The following RFTN2 variants were observed in gnomAD, a reference collection of about 807,000 sequenced individuals.
The protein encoded by RFTN2 is raftlin-2.
Under a neutral mutation model 52.7 loss-of-function variants are expected in RFTN2, and 34 were observed. The observed-to-expected ratio is 0.64, with a 90% CI of 0.49 to 0.86. The LOEUF (loss-of-function observed/expected upper bound fraction) is 0.86, where lower values mean the gene tolerates loss of function less well. RFTN2 is among the 40% of genes least tolerant of loss of function. The probability of loss-of-function intolerance (pLI) is 0.00; values close to 1 mark genes in which losing one functional copy is unlikely to be tolerated. For missense variants in RFTN2, 536 were observed against 600.1 expected, an observed-to-expected ratio of 0.89 and a Z score of 1.12; for synonymous variants, 203 against 217.7, an observed-to-expected ratio of 0.93 and a Z score of 0.59.
intron 5 of RFTN2, among the ~76,000 whole-genome samples, chr2:197,628,683 C>T (rs906105379): frequency 3.3e-5 from 5 of 152,114 alleles, no homozygotes; most frequent in Non-Finnish European, 5.9e-5. Context: ...AGATGATCCA[C>T]ACTAAAAGTA....
chr2:197,626,614 C>CT (rs201711932), intron 5 of RFTN2, among the ~76,000 whole-genome samples: 21,678 of 95,984 alleles, frequency 0.23, 3,834 homozygotes, highest in South Asian at 0.34. Context: ...AAGGAATAAT[C>CT]TTCTTTTTTT....
At chr2:197,650,877 T>C (rs531560409) in intron 1 of RFTN2, among the ~76,000 whole-genome samples, 1 of 152,354 alleles carries the variant, frequency 6.6e-6, no homozygotes, top group Non-Finnish European at 1.5e-5. Context: ...TATTGTTTTC[T>C]ATGATGGCTG....
intron 3 of RFTN2, among the ~76,000 whole-genome samples, chr2:197,639,394 G>C (rs1478721443): frequency 6.6e-6 from 1 of 151,740 alleles, no homozygotes; most frequent in Non-Finnish European, 1.5e-5. Flanking sequence ...ACGTAGATTT[G>C]GTCTTTTCAC....
chr2:197,612,132 A>G (rs188208620), intron 7 of RFTN2, among the ~76,000 whole-genome samples: 205 of 152,114 alleles, frequency 1.3e-3, no homozygotes, highest in Middle Eastern at 3.4e-3. Context: ...GGTTCACTTG[A>G]GGATGAGGTT....
chr2:197,640,761 C>G (rs942270285), intron 3 of RFTN2, among the ~76,000 whole-genome samples: 5 of 152,220 alleles, frequency 3.3e-5, no homozygotes, highest in East Asian at 1.9e-4. Flanking sequence ...GCTCCTCCCC[C>G]AGGAATGCTT....
rs1322869093 is a variant in RFTN2, at chr2:197,631,118, C to T, written c.821G>A (p.Gly274Glu). ...AGCATCAAGTGTACTAATGACTGATCCTTTTCTTGTTACTTTCATTGACAG... is the reference window on the plus strand; with the variant it reads ...AGCATCAAGTGTACTAATGACTGATTCTTTTCTTGTTACTTTCATTGACAG... ...GILSMKVTRK[G>E]SVISTLDADW... is the part of the protein sequence containing the mutation. Residue 274 changes from glycine to glutamate, a missense_variant, in exon 5 of 9, where the codon GGA becomes GAA. Coordinates refer to ENST00000295049, the MANE Select transcript of RFTN2 (RefSeq NM_144629.3). 6.2e-7 allele frequency: 1 copy of T among 1,613,010 alleles called. No homozygotes were observed. Among genetic ancestry groups the T allele is most frequent in the Non-Finnish European group, 8.5e-7 (1 of 1,179,254 alleles).
chr2:197,629,278 A>T (rs1057411329), intron 5 of RFTN2, among the ~76,000 whole-genome samples: 4 of 152,222 alleles, frequency 2.6e-5, no homozygotes, highest in African/African-American at 9.6e-5. Flanking sequence ...AAAAAGGATG[A>T]TTTCATGTCC....
In RFTN2 at chr2:197,572,160, G is replaced by A; in HGVS notation, c.1354C>T (p.Leu452Phe). Reference protein sequence around the residue: ...ESRHLPEECRLSPSRECWTKE... With the variant: ...ESRHLPEECRFSPSRECWTKE... ...GTCCAGCATTCCCGGGAGGGAGAAA[G>A]GCGGCACTCCTCAGGCAGGTGTCTG... The change falls in exon 9 of 9, where the codon CTT becomes TTT. Residue 452 changes from leucine (L) to phenylalanine (F), a missense_variant. By Grantham distance (22) the Leu-to-Phe change is conservative. Coordinates refer to ENST00000295049, the MANE Select transcript of RFTN2 (RefSeq NM_144629.3). The A allele has an allele frequency of 6.2e-7, 1 of 1,614,248 alleles. No individual in the cohort carries two copies. The highest frequency in any genetic ancestry group is 8.5e-7 in the Non-Finnish European group (1 of 1,180,048).
intron 2 of RFTN2, 34 bp from the exon 3 acceptor site, chr2:197,644,306 C>A: frequency 8.6e-7 from 1 of 1,166,486 alleles, no homozygotes; most frequent in Middle Eastern, 1.9e-4. Flanking sequence ...TGGTTGGAGG[C>A]CAATTGCTGC....
intron 1 of RFTN2, among the ~76,000 whole-genome samples, chr2:197,662,254 T>C (rs1401680228): frequency 6.6e-6 from 1 of 152,186 alleles, no homozygotes; most frequent in Non-Finnish European, 1.5e-5. Flanking sequence ...AGTAGTTTTA[T>C]AGTTTTGGGT....
At chr2:197,589,723 G>A (rs2087668101) in intron 8 of RFTN2, among the ~76,000 whole-genome samples, 2 of 151,932 alleles carry the variant, frequency 1.3e-5, no homozygotes, top group Admixed American at 1.3e-4. Flanking sequence ...CTCTTCAATT[G>A]TGAGAGTCCT....
intron 8 of RFTN2, among the ~76,000 whole-genome samples, chr2:197,574,862 C>A (rs920929311): frequency 7.3e-6 from 1 of 137,726 alleles, no homozygotes; most frequent in Non-Finnish European, 1.5e-5. Flanking sequence ...GAGAAAGACT[C>A]CATCTCAAAA....
Position 197,631,169 on chromosome 2 carries a change from G to C in RFTN2, c.770C>G (p.Thr257Ser). The change falls in exon 5 of 9, where the codon ACC becomes AGC. Residue 257 changes from threonine (T) to serine (S), a missense_variant. By Grantham distance (58) the Thr-to-Ser change is moderately conservative. Coordinates refer to ENST00000295049, the MANE Select transcript of RFTN2 (RefSeq NM_144629.3). ...TVFNAFDDDSTSWAYQEGILS... is the reference protein window; with the variant it reads ...TVFNAFDDDSSSWAYQEGILS... ...GATGCCTTCCTGATAGGCCCAGGAG[G>C]TTGAATCATCATCAAAAGCATTGAA... 6.2e-7 allele frequency: 1 copy of C among 1,613,516 alleles called. No homozygotes were observed. Among genetic ancestry groups the C allele is most frequent in the Non-Finnish European group, 8.5e-7 (1 of 1,179,712 alleles).
intron 8 of RFTN2, among the ~76,000 whole-genome samples, chr2:197,584,259 C>A (rs962989561): frequency 9.9e-5 from 15 of 152,144 alleles, no homozygotes; most frequent in Admixed American, 4.6e-4. Flanking sequence ...TAAAAGTGTT[C>A]CTATTTCTCC....
intron 8 of RFTN2, among the ~76,000 whole-genome samples, chr2:197,590,215 CTT>C (rs951173231): frequency 1.3e-5 from 2 of 152,118 alleles, no homozygotes; most frequent in African/African-American, 4.8e-5. Context: ...CCTAAAAACT[CTT>C]TGCCTAACTC....
intron 3 of RFTN2, among the ~76,000 whole-genome samples, chr2:197,635,293 A>AAAAG (rs755657809): frequency 0.012 from 1,799 of 152,212 alleles, 22 homozygotes; most frequent in Middle Eastern, 0.031. Context: ...CTAGTTCTAG[A>AAAAG]TCCCTGAGGA....
At chr2:197,599,052 C>G (rs1408068068) in intron 7 of RFTN2, among the ~76,000 whole-genome samples, 1 of 151,662 alleles carries the variant, frequency 6.6e-6, no homozygotes, top group African/African-American at 2.4e-5. Context: ...CCCGGGTTCA[C>G]GCCATTTTCC....
At chr2:197,610,953 G>T (rs927147848) in intron 7 of RFTN2, among the ~76,000 whole-genome samples, 1 of 152,250 alleles carries the variant, frequency 6.6e-6, no homozygotes, top group African/African-American at 2.4e-5. Flanking sequence ...TTGCATCCCA[G>T]GGATGAAGCC....
At chr2:197,625,003 A>G (rs557510471) in intron 5 of RFTN2, among the ~76,000 whole-genome samples, 3 of 152,224 alleles carry the variant, frequency 2.0e-5, no homozygotes, top group East Asian at 1.9e-4. Flanking sequence ...ACCTTCAGCA[A>G]CCACCACCCT....
Sources: allele counts gnomAD v4.1 joint callset (sites outside exome capture counted in the v4.1 genomes callset), GRCh38; gene constraint gnomAD v4.1.1; transcripts MANE v1.5; gene names NCBI Gene and HGNC (gene_info 2026-07-23, HGNC 2026-07-21).